The following INTS4 variants were observed in gnomAD, a reference collection of about 807,000 sequenced individuals.
INTS4 encodes MSTP093.
A neutral mutation model predicts 119.5 loss-of-function variants in INTS4; 70 were observed. That is an observed-to-expected ratio of 0.59 (90% CI 0.48 to 0.71). The LOEUF is 0.71. Among genes scored for constraint, INTS4 ranks in the 30% least tolerant of loss-of-function variants. The pLI is 0.00. For missense variants in INTS4, 867 were observed against 1,173.2 expected (o/e 0.74, Z 3.81); for synonymous variants, 316 against 419.6 (o/e 0.75, Z 3.02).
intron 16 of INTS4, among the ~76,000 whole-genome samples, chr11:77,903,903 C>T (rs1952858613): frequency 6.6e-6 from 1 of 152,158 alleles, no homozygotes; most frequent in African/African-American, 2.4e-5. Flanking sequence ...GAAAGCTTCA[C>T]CAGAATGCGC....
chr11:77,985,590 G>C (rs1183738241), intron 2 of INTS4, among the ~76,000 whole-genome samples: 1 of 152,092 alleles, frequency 6.6e-6, no homozygotes. Flanking sequence ...CATAAGACCT[G>C]AAACACTGTA....
At chr11:77,882,820 C>T (rs151051000) in intron 22 of INTS4, among the ~76,000 whole-genome samples, 1,602 of 152,294 alleles carry the variant, frequency 0.011, 30 homozygotes, top group African/African-American at 0.035. Context: ...CCTGTAATCC[C>T]ACTACTTTGG....
intron 4 of INTS4, among the ~76,000 whole-genome samples, chr11:77,964,826 G>C (rs1220461729): frequency 6.6e-6 from 1 of 151,844 alleles, no homozygotes; most frequent in Non-Finnish European, 1.5e-5. Context: ...TTTAATAACA[G>C]TTGCTAAAAT....
At chr11:77,895,492 A>ACTCTGGAAG (rs1050096355) in intron 18 of INTS4, among the ~76,000 whole-genome samples, 1 of 140,614 alleles carries the variant, frequency 7.1e-6, no homozygotes, top group Non-Finnish European at 1.5e-5. Context: ...ATGGAAACCT[A>ACTCTGGAAG]CTCTGGAAGC....
chr11:77,981,851 G>A (rs910438128), intron 2 of INTS4, among the ~76,000 whole-genome samples: 3 of 151,720 alleles, frequency 2.0e-5, no homozygotes, highest in East Asian at 1.9e-4. Flanking sequence ...AACCTCTGCC[G>A]GGGAGACAGC....
chr11:77,962,920 C>G (rs192632702), intron 4 of INTS4, among the ~76,000 whole-genome samples: 4 of 151,996 alleles, frequency 2.6e-5, no homozygotes, highest in Admixed American at 2.0e-4. Flanking sequence ...GAGGCTGAGG[C>G]CAGAGAATTG....
intron 11 of INTS4, among the ~76,000 whole-genome samples, chr11:77,926,022 C>T (rs3018160): frequency 0.1 from 15,487 of 152,234 alleles, 1,014 homozygotes; most frequent in Non-Finnish European, 0.15. Flanking sequence ...ACATTTATCA[C>T]CATCTGAAAT....
At chr11:77,889,838 T>A (rs1404514819) in intron 21 of INTS4, among the ~76,000 whole-genome samples, 1 of 152,160 alleles carries the variant, frequency 6.6e-6, no homozygotes, top group Non-Finnish European at 1.5e-5. Flanking sequence ...TTGCGTGTGG[T>A]AGAGGTGCTA....
intron 15 of INTS4, among the ~76,000 whole-genome samples, chr11:77,910,786 T>C (rs1953072605): frequency 6.6e-6 from 1 of 151,912 alleles, no homozygotes; most frequent in Non-Finnish European, 1.5e-5. Flanking sequence ...TCTTTTGAAT[T>C]TTGAGATATG....
intron 18 of INTS4, among the ~76,000 whole-genome samples, chr11:77,894,668 C>T (rs183996290): frequency 4.2e-4 from 64 of 152,302 alleles, no homozygotes; most frequent in Admixed American, 7.2e-4. Context: ...TGTCAAGTTC[C>T]CCTTCTGCAG....
At chr11:77,900,031 C>A (rs1220988515) in intron 18 of INTS4, among the ~76,000 whole-genome samples, 1 of 151,814 alleles carries the variant, frequency 6.6e-6, no homozygotes, top group Non-Finnish European at 1.5e-5. Context: ...ATCACAAGCA[C>A]CTTTGTTTTT....
chr11:77,884,377 G>A (rs1415772031), intron 21 of INTS4, among the ~76,000 whole-genome samples: 1 of 152,184 alleles, frequency 6.6e-6, no homozygotes, highest in African/African-American at 2.4e-5. Context: ...AAGCAGCTAG[G>A]AAGTCATTTA....
chr11:77,901,577 C>G (rs572709494), intron 17 of INTS4, 26 bp from the exon 18 acceptor site: 1 of 1,544,600 alleles, frequency 6.5e-7, no homozygotes, highest in East Asian at 2.2e-5. Flanking sequence ...AATTAACAAT[C>G]AATAAAAATA....
chr11:77,972,225 A>G (rs1204098265), intron 4 of INTS4, among the ~76,000 whole-genome samples: 4 of 151,974 alleles, frequency 2.6e-5, no homozygotes, highest in Non-Finnish European at 5.9e-5. Flanking sequence ...CAGCCTCCCA[A>G]CTAGCTGAGA....
chr11:77,885,224 C>A (rs1951953383), intron 21 of INTS4, among the ~76,000 whole-genome samples: 1 of 151,852 alleles, frequency 6.6e-6, no homozygotes. Context: ...ATTACAGGCG[C>A]CCACCGTCAT....
At chr11:77,977,293 T>C (rs1004881571) in intron 4 of INTS4, among the ~76,000 whole-genome samples, 2 of 152,004 alleles carry the variant, frequency 1.3e-5, no homozygotes, top group Non-Finnish European at 2.9e-5. Context: ...AATAGTTAGG[T>C]AAAAAGTATG....
intron 22 of INTS4, among the ~76,000 whole-genome samples, chr11:77,883,289 G>C (rs1004583715): frequency 7.9e-5 from 12 of 152,162 alleles, no homozygotes; most frequent in African/African-American, 2.9e-4. Context: ...GCAGACTGAG[G>C]TCTTCTTAAG....
intron 15 of INTS4, among the ~76,000 whole-genome samples, chr11:77,912,792 T>A (rs1363708925): frequency 6.6e-6 from 1 of 152,230 alleles, no homozygotes; most frequent in Non-Finnish European, 1.5e-5. Context: ...TTCTACTCTT[T>A]AATTACGAGA....
At chr11:77,925,988 A>G (rs551354146) in intron 11 of INTS4, among the ~76,000 whole-genome samples, 2 of 152,366 alleles carry the variant, frequency 1.3e-5, no homozygotes, top group East Asian at 1.9e-4. Context: ...CCATTCCTCA[A>G]TCATACTGTT....
Sources: gnomAD v4.1 joint callset for allele counts (sites outside exome capture counted in the v4.1 genomes callset) on GRCh38, gnomAD v4.1.1 for gene constraint, MANE v1.5 for transcripts, NCBI Gene and HGNC (gene_info 2026-07-23, HGNC 2026-07-21) for gene names.